The following PDE12 variants were observed in gnomAD, a reference collection of about 807,000 sequenced individuals.
PDE12 encodes the protein phosphodiesterase 12.
Under a neutral mutation model 45.4 loss-of-function variants are expected in PDE12, and 26 were observed. That is an observed-to-expected ratio of 0.57 (90% confidence interval 0.42 to 0.79). The LOEUF is 0.79. Among genes scored for constraint, PDE12 ranks in the 30% least tolerant of loss-of-function variants. PDE12 has a pLI of 0.00. For synonymous variants in PDE12, 283 were observed against 323.9 expected (o/e 0.87, Z 1.36); for missense variants, 668 against 790.0 (o/e 0.85, Z 1.85).
At chr3:57,643,447 G>C in the PDE12 span, among the ~76,000 whole-genome samples, 1 of 152,040 alleles carries the variant, frequency 6.6e-6, no homozygotes, top group Non-Finnish European at 1.5e-5. Flanking sequence ...GGTTATATAG[G>C]TCTGGACCTC....
chr3:57,573,350 G>C, the PDE12 span, among the ~76,000 whole-genome samples: 3 of 152,206 alleles, frequency 2.0e-5, no homozygotes, highest in South Asian at 6.2e-4. Flanking sequence ...GTAACTGTGT[G>C]AAAGTATCAA....
chr3:57,628,360 T>C, the PDE12 span: 9 of 1,610,334 alleles, frequency 5.6e-6, no homozygotes, highest in Non-Finnish European at 7.6e-6. Context: ...ATAAGGAACA[T>C]TTCATAACAT....
chr3:57,579,233 GAC>G, the PDE12 span, among the ~76,000 whole-genome samples: 3 of 81,128 alleles, frequency 3.7e-5, no homozygotes, highest in Admixed American at 6.4e-4. Context: ...CAGCCTGGGC[GAC>G]AAGAGCAAAC....
the PDE12 span, among the ~76,000 whole-genome samples, chr3:57,619,946 G>A: frequency 3.3e-5 from 5 of 152,140 alleles, no homozygotes; most frequent in South Asian, 2.1e-4. Flanking sequence ...AATTGAGGCC[G>A]GGCATGGTGG....
At chr3:57,584,319 A>C in the PDE12 span, 2 of 1,323,258 alleles carry the variant, frequency 1.5e-6, no homozygotes. Context: ...CAATCTCAAA[A>C]CTAGACTGTA....
At chr3:57,622,635 T>C in the PDE12 span, among the ~76,000 whole-genome samples, 587 of 152,154 alleles carry the variant, frequency 3.9e-3, 2 homozygotes, top group African/African-American at 0.013. Flanking sequence ...AGTACATGAG[T>C]GTTCACAGCA....
rs1490841806 is a variant in PDE12 at position 57,562,650 on chromosome 3, C to G, written c.*2646C>G. 1 of 152,156 alleles carries G rather than the reference C, an allele frequency of 6.6e-6. No individual in the cohort carries two copies. Among genetic ancestry groups the G allele is most frequent in the Non-Finnish European group, 1.5e-5 (1 of 68,032 alleles). The allele number at this position is 152,156 out of a possible 1,614,324, so 9.4% of individuals were successfully genotyped here. A position where few individuals can be genotyped will look rare whatever the true frequency, so the allele number is the denominator to read the frequency against. ...ACCACATTTTATAATGTCACAAGTT[C>G]TTGCTATAGGAATTAACATTCTAGA... is the stretch of plus-strand genomic sequence containing the variant. On this transcript the variant is annotated 3_prime_UTR_variant, in exon 3 of 3. Coordinates refer to ENST00000311180, the MANE Select transcript of PDE12 (RefSeq NM_177966.7).
chr3:57,575,620 C>T, the PDE12 span: 4 of 1,613,570 alleles, frequency 2.5e-6, no homozygotes, highest in Non-Finnish European at 3.4e-6. Flanking sequence ...TTGGCAAATC[C>T]TGTTTGTTTG....
At chr3:57,621,080 A>AATGT in the PDE12 span, among the ~76,000 whole-genome samples, 3 of 152,234 alleles carry the variant, frequency 2.0e-5, no homozygotes, top group African/African-American at 7.2e-5. Flanking sequence ...ATAAAGCTAC[A>AATGT]GTAATCAAGC....
At chr3:57,603,628 T>TA in the PDE12 span, among the ~76,000 whole-genome samples, 1 of 151,458 alleles carries the variant, frequency 6.6e-6, no homozygotes, top group Admixed American at 6.6e-5. Context: ...GAAATTTTTT[T>TA]TTTTTTTTTT....
the PDE12 span, among the ~76,000 whole-genome samples, chr3:57,605,068 G>A: frequency 6.6e-6 from 1 of 152,136 alleles, no homozygotes; most frequent in Non-Finnish European, 1.5e-5. Flanking sequence ...GAAGACACTG[G>A]ATACCAGGCA....
the PDE12 span, among the ~76,000 whole-genome samples, chr3:57,642,395 G>A: frequency 6.6e-6 from 1 of 151,462 alleles, no homozygotes; most frequent in African/African-American, 2.4e-5. Flanking sequence ...GCCTCACCAA[G>A]GAGGTAATAT....
At chr3:57,596,292 A>G in the PDE12 span, among the ~76,000 whole-genome samples, 1 of 152,232 alleles carries the variant, frequency 6.6e-6, no homozygotes, top group Non-Finnish European at 1.5e-5. Flanking sequence ...AAAATTTATC[A>G]GGTATTTTTT....
At chr3:57,617,349 AG>A in the PDE12 span, among the ~76,000 whole-genome samples, 1 of 152,044 alleles carries the variant, frequency 6.6e-6, no homozygotes, top group East Asian at 1.9e-4. Context: ...GGATGCAGTG[AG>A]CTATGATCAA....
chr3:57,629,218 GA>G, the PDE12 span, among the ~76,000 whole-genome samples: 1 of 152,140 alleles, frequency 6.6e-6, no homozygotes, highest in Non-Finnish European at 1.5e-5. Flanking sequence ...AATTTATAAG[GA>G]ACATTAGTTA....
the PDE12 span, among the ~76,000 whole-genome samples, chr3:57,602,031 AG>A: frequency 6.6e-6 from 1 of 152,020 alleles, no homozygotes; most frequent in African/African-American, 2.4e-5. Flanking sequence ...CTGGGATTAC[AG>A]GTGTGAGCCA....
chr3:57,573,488 A>G, the PDE12 span, among the ~76,000 whole-genome samples: 1 of 152,208 alleles, frequency 6.6e-6, no homozygotes, highest in African/African-American at 2.4e-5. Flanking sequence ...AAATCTCAGT[A>G]ACCTAGGAGG....
At chr3:57,612,279 A>G in the PDE12 span, among the ~76,000 whole-genome samples, 4 of 151,002 alleles carry the variant, frequency 2.6e-5, no homozygotes, top group Non-Finnish European at 4.4e-5. Flanking sequence ...ATTAGGAGAT[A>G]TACCTAATGT....
chr3:57,609,289 G>A, the PDE12 span, among the ~76,000 whole-genome samples: 22 of 152,144 alleles, frequency 1.4e-4, no homozygotes, highest in African/African-American at 4.8e-4. Context: ...AGCAGGAAAG[G>A]TCTAAAATTG....
Sources: allele counts gnomAD v4.1 joint callset (sites outside exome capture counted in the v4.1 genomes callset), GRCh38; gene constraint gnomAD v4.1.1; transcripts MANE v1.5; gene names NCBI Gene and HGNC (gene_info 2026-07-23, HGNC 2026-07-21).